TFCP2: variants seen among roughly 807,000 people sequenced by gnomAD.
TFCP2 encodes the protein alpha-globin transcription factor CP2.
In TFCP2, 33 loss-of-function variants were observed where a neutral mutation model predicts 73.4. That is an observed-to-expected ratio of 0.45 (90% CI 0.34 to 0.60). The LOEUF is 0.60. TFCP2 is among the 20% of genes least tolerant of loss of function. TFCP2 has a pLI of 0.01. For missense variants in TFCP2, 352 were observed against 604.0 expected, an observed-to-expected ratio of 0.58 and a Z score of 4.37; for synonymous variants, 193 against 211.6, an observed-to-expected ratio of 0.91 and a Z score of 0.76.
At chr12:51,164,901 A>G (rs1941722265) in intron 1 of TFCP2, among the ~76,000 whole-genome samples, 1 of 152,220 alleles carries the variant, frequency 6.6e-6, no homozygotes, top group Non-Finnish European at 1.5e-5. Context: ...CCAACAAAGA[A>G]AAGTCCAGTA....
At chr12:51,145,941 C>T (rs1638905044) in intron 1 of TFCP2, among the ~76,000 whole-genome samples, 1 of 151,424 alleles carries the variant, frequency 6.6e-6, no homozygotes, top group Admixed American at 6.6e-5. Flanking sequence ...CAGAGCAAGA[C>T]CCTGTCCCTT....
intron 12 of TFCP2, 33 bp from the exon 13 acceptor site, chr12:51,098,951 C>T: frequency 3.1e-6 from 5 of 1,609,446 alleles, no homozygotes; most frequent in Non-Finnish European, 3.4e-6. Flanking sequence ...GCAGTCAGTA[C>T]AAAGTTTGTC....
intron 1 of TFCP2, among the ~76,000 whole-genome samples, chr12:51,141,863 G>A (rs1488011139): frequency 5.6e-5 from 8 of 142,966 alleles, no homozygotes; most frequent in African/African-American, 1.8e-4. Flanking sequence ...CCGAGATGGC[G>A]CCACTGCACT....
At chr12:51,118,871 C>T in intron 1 of TFCP2, 99 bp from the exon 2 acceptor site, 1 of 1,351,018 alleles carries the variant, frequency 7.4e-7, no homozygotes, top group Non-Finnish European at 1.0e-6. Flanking sequence ...AAGCCATAAA[C>T]ATTACTCACC....
intron 1 of TFCP2, among the ~76,000 whole-genome samples, chr12:51,133,191 C>CA (rs1383932525): frequency 2.0e-5 from 3 of 151,376 alleles, no homozygotes; most frequent in Non-Finnish European, 4.4e-5. Flanking sequence ...GAAAAAATAA[C>CA]AGAGCACAAA....
chr12:51,115,268 C>T (rs546082431), intron 4 of TFCP2, among the ~76,000 whole-genome samples: 12 of 151,810 alleles, frequency 7.9e-5, no homozygotes, highest in Non-Finnish European at 1.0e-4. Context: ...TACAGGCGCC[C>T]GCCACCACGC....
At chr12:51,134,228 G>A (rs1006929120) in intron 1 of TFCP2, among the ~76,000 whole-genome samples, 6 of 152,134 alleles carry the variant, frequency 3.9e-5, no homozygotes, top group Non-Finnish European at 7.3e-5. Context: ...ATATGTTTGT[G>A]CGTCTACAGA....
At position 51,165,733 on chromosome 12, in the gene TFCP2, T is replaced by A. The variant is rs114365620; in HGVS notation, c.122+6568A>T. Among the ~76,000 whole-genome samples the A allele has an allele frequency of 4.7e-3, 714 of 152,292 alleles. 7 individuals are homozygous for A. Among genetic ancestry groups the A allele is most frequent in the African/African-American group, 0.016 (652 of 41,550 alleles). On this transcript the variant is annotated intron_variant, in intron 1 of 14. Transcript: ENST00000257915. The stretch of plus-strand genomic sequence containing the variant: ...TTAATTACACTGATCTGGACATTTT[T>A]AAAGGGTTAAAATGATAGAATTTTA...
intron 1 of TFCP2, among the ~76,000 whole-genome samples, chr12:51,156,149 T>C (rs781031852): frequency 6.6e-6 from 1 of 152,154 alleles, no homozygotes; most frequent in Non-Finnish European, 1.5e-5. Context: ...CCATTTTGCA[T>C]TGCTATAAAG....
intron 1 of TFCP2, among the ~76,000 whole-genome samples, chr12:51,160,468 T>C (rs1200282262): frequency 6.6e-6 from 1 of 151,856 alleles, no homozygotes; most frequent in Non-Finnish European, 1.5e-5. Context: ...GCTTTTTCCA[T>C]GTTAAGAATG....
intron 10 of TFCP2, among the ~76,000 whole-genome samples, chr12:51,102,952 T>C (rs1296650053): frequency 6.6e-6 from 1 of 151,784 alleles, no homozygotes; most frequent in South Asian, 2.1e-4. Context: ...GATCAGGAAG[T>C]ATGCCTCATC....
At chr12:51,149,024 C>CAAAAAAAAAA (rs60318954) in intron 1 of TFCP2, among the ~76,000 whole-genome samples, 6,922 of 37,788 alleles carry the variant, frequency 0.18, 2,487 homozygotes, top group Middle Eastern at 0.32. Flanking sequence ...GACTCCATCT[C>CAAAAAAAAAA]AAAAAAAAAA....
chr12:51,130,116 G>A (rs1940905562), intron 1 of TFCP2, among the ~76,000 whole-genome samples: 1 of 151,966 alleles, frequency 6.6e-6, no homozygotes, highest in African/African-American at 2.4e-5. Context: ...TTGCACTCCA[G>A]CCTGGGCAAC....
At chr12:51,128,311 T>C (rs1024004005) in intron 1 of TFCP2, among the ~76,000 whole-genome samples, 3 of 151,900 alleles carry the variant, frequency 2.0e-5, no homozygotes, top group Non-Finnish European at 4.4e-5. Flanking sequence ...GACTGAAGAA[T>C]AGGTTACTAA....
intron 1 of TFCP2, among the ~76,000 whole-genome samples, chr12:51,121,281 C>T (rs561492872): frequency 9.2e-5 from 14 of 151,512 alleles, no homozygotes; most frequent in Non-Finnish European, 2.9e-5. Context: ...ATTAGCCGGG[C>T]GCGTTGGCGC....
At chr12:51,133,801 C>A (rs1045488698) in intron 1 of TFCP2, among the ~76,000 whole-genome samples, 1 of 151,702 alleles carries the variant, frequency 6.6e-6, no homozygotes, top group Admixed American at 6.6e-5. Flanking sequence ...GTGGCAGGTG[C>A]CTGTAGGTTA....
At chr12:51,158,988 CCTCT>C (rs1941594728) in intron 1 of TFCP2, among the ~76,000 whole-genome samples, 1 of 104,278 alleles carries the variant, frequency 9.6e-6, no homozygotes, top group Non-Finnish European at 1.9e-5. Context: ...ATGGTGAAAC[CCTCT>C]CTCTACTAAA....
intron 1 of TFCP2, 114 bp from the exon 2 acceptor site, chr12:51,118,886 T>C: frequency 8.2e-7 from 1 of 1,222,040 alleles, no homozygotes; most frequent in South Asian, 1.4e-5. Context: ...CTCACCTTGG[T>C]GGAGTTTCAT....
chr12:51,159,432 A>G (rs1941605199), intron 1 of TFCP2, among the ~76,000 whole-genome samples: 1 of 151,350 alleles, frequency 6.6e-6, no homozygotes, highest in Non-Finnish European at 1.5e-5. Context: ...CCCGCCTCCC[A>G]GGTTCAAGCG....
Sources: gnomAD v4.1 joint callset for allele counts (sites outside exome capture counted in the v4.1 genomes callset) on GRCh38, gnomAD v4.1.1 for gene constraint, MANE v1.5 for transcripts, NCBI Gene and HGNC (gene_info 2026-07-23, HGNC 2026-07-21) for gene names.